CLMP: variants seen among roughly 807,000 people sequenced by gnomAD.
The protein encoded by CLMP is CXADR like cell adhesion molecule, also known as CXADR-like membrane protein.
CLMP carries 27 observed loss-of-function variants against 45.2 expected under a neutral mutation model. The observed-to-expected ratio is 0.60, with a 90% confidence interval of 0.44 to 0.82. CLMP has a LOEUF of 0.82. CLMP is among the 40% of genes least tolerant of loss of function. The pLI is 0.00. For synonymous variants in CLMP, 167 were observed against 171.4 expected (o/e 0.97, Z 0.20); for missense variants, 403 against 448.4 (o/e 0.90, Z 0.91).
At chr11:123,134,388 C>A (rs534738647) in intron 1 of CLMP, among the ~76,000 whole-genome samples, 1 of 152,230 alleles carries the variant, frequency 6.6e-6, no homozygotes, top group South Asian at 2.1e-4. Flanking sequence ...TTCTTACCAT[C>A]TTTAACAAGT....
chr11:123,119,052 C>CCT (rs759949891), intron 1 of CLMP, among the ~76,000 whole-genome samples: 547 of 19,424 alleles, frequency 0.028, 48 homozygotes, highest in Non-Finnish European at 0.035. Context: ...TCTCCCTCTC[C>CCT]CTCTCTCTCT....
intron 5 of CLMP, among the ~76,000 whole-genome samples, chr11:123,075,218 T>C (rs1865723121): frequency 6.6e-6 from 1 of 152,126 alleles, no homozygotes; most frequent in Non-Finnish European, 1.5e-5. Context: ...CCTCCGAAAG[T>C]GCTGGGATTA....
chr11:123,092,022 TAC>T (rs1486931223), intron 2 of CLMP, among the ~76,000 whole-genome samples: 1 of 152,136 alleles, frequency 6.6e-6, no homozygotes, highest in African/African-American at 2.4e-5. Flanking sequence ...CGGCTTTGAT[TAC>T]ACAGTTTTTT....
chr11:123,150,481 A>AAGAAAGAAAG (rs1565397448), intron 1 of CLMP, among the ~76,000 whole-genome samples: 10 of 89,582 alleles, frequency 1.1e-4, no homozygotes, highest in Non-Finnish European at 1.9e-4. Context: ...GAAAGAAAGA[A>AAGAAAGAAAG]AGGAAGGAAG....
At chr11:123,078,749 A>G (rs1467688842) in intron 5 of CLMP, among the ~76,000 whole-genome samples, 1 of 148,802 alleles carries the variant, frequency 6.7e-6, no homozygotes, top group Non-Finnish European at 1.5e-5. Flanking sequence ...GGTTCACACC[A>G]TTCTCCTGCC....
intron 1 of CLMP, among the ~76,000 whole-genome samples, chr11:123,121,050 T>A (rs1272765137): frequency 6.7e-6 from 1 of 148,166 alleles, no homozygotes; most frequent in Non-Finnish European, 1.5e-5. Flanking sequence ...ATGACATGAA[T>A]CTGGAGGTGA....
chr11:123,120,327 C>G (rs886334602), intron 1 of CLMP, among the ~76,000 whole-genome samples: 2 of 151,924 alleles, frequency 1.3e-5, no homozygotes, highest in Non-Finnish European at 2.9e-5. Context: ...TTTCATACAC[C>G]CATCTTTCAG....
At chr11:123,098,040 T>C (rs1044588383) in intron 1 of CLMP, 88 bp from the exon 2 acceptor site, 1 of 1,168,426 alleles carries the variant, frequency 8.6e-7, no homozygotes. Flanking sequence ...TTATGGGATG[T>C]TCCCGTGGGC....
intron 1 of CLMP, among the ~76,000 whole-genome samples, chr11:123,106,869 A>T (rs1186191126): frequency 6.6e-6 from 1 of 151,622 alleles, no homozygotes; most frequent in African/African-American, 2.4e-5. Context: ...AAATACAAAA[A>T]ATTAGCCCGG....
intron 1 of CLMP, among the ~76,000 whole-genome samples, chr11:123,188,203 C>T (rs61904434): frequency 3.9e-5 from 6 of 152,208 alleles, no homozygotes; most frequent in South Asian, 2.1e-4. Flanking sequence ...CAGGCGCACC[C>T]GCTCTGTAAT....
chr11:123,164,197 C>T (rs1433177527), intron 1 of CLMP, among the ~76,000 whole-genome samples: 1 of 152,090 alleles, frequency 6.6e-6, no homozygotes, highest in Admixed American at 6.6e-5. Context: ...TATAATTTAT[C>T]TATTTCTTTG....
At chr11:123,163,840 G>C (rs552131491) in intron 1 of CLMP, among the ~76,000 whole-genome samples, 2 of 152,280 alleles carry the variant, frequency 1.3e-5, no homozygotes, top group African/African-American at 2.4e-5. Flanking sequence ...CACAGCTAGA[G>C]GGAGATGTTG....
intron 1 of CLMP, among the ~76,000 whole-genome samples, chr11:123,191,744 C>T (rs546475219): frequency 2.0e-5 from 3 of 152,158 alleles, no homozygotes; most frequent in African/African-American, 7.2e-5. Context: ...CTCTCTTGAC[C>T]TTAAAGATTT....
intron 1 of CLMP, among the ~76,000 whole-genome samples, chr11:123,159,349 TG>T (rs963465204): frequency 6.6e-6 from 1 of 152,138 alleles, no homozygotes; most frequent in Admixed American, 6.5e-5. Context: ...GGCCCGGCGA[TG>T]GGGCAAGCCT....
At chr11:123,115,540 A>G (rs1860708663) in intron 1 of CLMP, among the ~76,000 whole-genome samples, 1 of 152,172 alleles carries the variant, frequency 6.6e-6, no homozygotes, top group African/African-American at 2.4e-5. Context: ...ACAAAAGAGT[A>G]CATTCTATAG....
chr11:123,135,569 A>T (rs923632460), intron 1 of CLMP, among the ~76,000 whole-genome samples: 6 of 152,198 alleles, frequency 3.9e-5, no homozygotes, highest in Non-Finnish European at 8.8e-5. Context: ...CACAATGAAG[A>T]ACATTTTATT....
intron 2 of CLMP, among the ~76,000 whole-genome samples, chr11:123,089,358 C>CA (rs138381305): frequency 0.093 from 13,499 of 144,972 alleles, 1,199 homozygotes; most frequent in African/African-American, 0.24. Context: ...GCACTTCAGT[C>CA]AAAAAAAAAA....
intron 1 of CLMP, chr11:123,192,935 A>G (rs1176175388): frequency 6.6e-6 from 1 of 152,268 alleles, no homozygotes; most frequent in Non-Finnish European, 1.5e-5. Flanking sequence ...GTGTCCGAGC[A>G]TTCCATGGCT....
At chr11:123,090,295 A>G (rs1865915716) in intron 2 of CLMP, among the ~76,000 whole-genome samples, 2 of 150,754 alleles carry the variant, frequency 1.3e-5, no homozygotes, top group Non-Finnish European at 1.5e-5. Flanking sequence ...AATACAAAAA[A>G]AAAAAAAAAA....
Sources: allele counts gnomAD v4.1 joint callset (sites outside exome capture counted in the v4.1 genomes callset), GRCh38; gene constraint gnomAD v4.1.1; transcripts MANE v1.5; gene names NCBI Gene and HGNC (gene_info 2026-07-23, HGNC 2026-07-21).